The following CYTH4 variants were observed in gnomAD, a reference collection of about 807,000 sequenced individuals.
The protein encoded by CYTH4 is cytohesin-4.
A neutral mutation model predicts 57.5 loss-of-function variants in CYTH4; 22 were observed. The ratio of observed to expected loss-of-function variants is 0.38; its 90% CI spans 0.27 to 0.55. The LOEUF (loss-of-function observed/expected upper bound fraction) is 0.55. CYTH4 is among the 20% of genes least tolerant of loss of function. The pLI is 0.74. For missense variants in CYTH4, 420 were observed against 535.6 expected (o/e 0.78, Z 2.13); for synonymous variants, 186 against 206.5 (o/e 0.90, Z 0.85).
rs1929626233 is a variant in CYTH4 at position 37,311,145 on chromosome 22, ACT to A, written c.885+83_885+84del. 6.9e-7 allele frequency: 1 copy of A among 1,456,912 alleles called. No individual in the cohort carries two copies. The highest frequency in any genetic ancestry group is 1.4e-5 in the African/African-American group (1 of 71,858). The allele number at this position is 1,456,912 out of a possible 1,614,324, so 90.2% of individuals were successfully genotyped here. A position where few individuals can be genotyped will look rare whatever the true frequency, so the allele number is the denominator to read the frequency against. On this transcript the variant is annotated intron_variant, in intron 10 of 12. Transcript: ENST00000248901. This position sits in a 1 kb window ranked among gnomAD's most constrained non-coding sequence, Gnocchi z 4.4. ...CTTCCCAACTCCCACTGAGCAGTCG[ACT>A]CACACAGCTTTGGATCCTTTGAGAT...
At chr22:37,283,884 G>T (rs2284042) in intron 1 of CYTH4, among the ~76,000 whole-genome samples, 17 of 144,878 alleles carry the variant, frequency 1.2e-4, no homozygotes, top group African/African-American at 3.5e-4. Flanking sequence ...TGGGATGAGG[G>T]GGGGAGGGCA....
intron 9 of CYTH4, 21 bp downstream of exon 9, chr22:37,309,344 C>T (rs768817291): frequency 4.4e-6 from 7 of 1,597,768 alleles, no homozygotes; most frequent in East Asian, 4.5e-5. Flanking sequence ...GACAGACACA[C>T]GTCGTCGCAC....
In CYTH4 at chr22:37,311,326, C is replaced by G. The variant is rs986162156; in HGVS notation, c.886-130C>G. On this transcript the variant is annotated intron_variant, in intron 10 of 12. Coordinates refer to ENST00000248901, the MANE Select transcript of CYTH4 (RefSeq NM_013385.5). The surrounding 1 kb of genome is among the most constrained non-coding windows in gnomAD (Gnocchi z 4.4). ...CATGCTGCTTCTAACTTCCGTCCCCCTATGACTGGACAGTCTCGGAAGATG... is the reference window on the plus strand; with the variant it reads ...CATGCTGCTTCTAACTTCCGTCCCCGTATGACTGGACAGTCTCGGAAGATG... The G allele has an allele frequency of 5.8e-6, 5 of 860,404 alleles. No homozygotes were observed. The highest frequency in any genetic ancestry group is 9.4e-6 in the Non-Finnish European group (5 of 532,276). The allele number at this position is 860,404 out of a possible 1,614,324, so 53.3% of individuals were successfully genotyped here. A position where few individuals can be genotyped will look rare whatever the true frequency, so the allele number is the denominator to read the frequency against.
At chr22:37,284,328 T>A (rs1928473633) in intron 1 of CYTH4, among the ~76,000 whole-genome samples, 4 of 152,026 alleles carry the variant, frequency 2.6e-5, no homozygotes, top group Admixed American at 2.6e-4. Flanking sequence ...GGTGTTGGTC[T>A]GGAATGTTGG....
Position 37,284,439 on chromosome 22 carries a change from G to C in CYTH4, c.19+1851G>C, listed in dbSNP as rs55856232. Among the ~76,000 whole-genome samples the C allele has an allele frequency of 6.7e-3, 1,025 of 152,284 alleles. 6 individuals carry two copies. Among genetic ancestry groups the C allele is most frequent in the Non-Finnish European group, 9.4e-3 (640 of 68,018 alleles). ...TGGGAGGAAGCAACTTTTCCCACTGGGGCAGAGGAGATCTGGGAAGACCTC... is the reference window on the plus strand; with the variant it reads ...TGGGAGGAAGCAACTTTTCCCACTGCGGCAGAGGAGATCTGGGAAGACCTC... On this transcript the variant is annotated intron_variant, in intron 1 of 12. Coordinates refer to ENST00000248901, the MANE Select transcript of CYTH4 (RefSeq NM_013385.5).
At position 37,313,579 on chromosome 22, in the gene CYTH4, C is replaced by T. The variant is rs58477283; in HGVS notation, c.*68C>T. ...CCATCGCCTGCAGCACCTGGAGACC[C>T]ACCTCCCACCCCAGTGCACTCTTTT... is the stretch of plus-strand genomic sequence containing the variant. On this transcript the variant is annotated 3_prime_UTR_variant, in exon 13 of 13. Transcript: ENST00000248901. The T allele has an allele frequency of 0.012, 16,017 of 1,391,288 alleles. 570 individuals are homozygous for T. The African/African-American group carries it at 0.12, about 11-fold the overall frequency. 86.2% of individuals were successfully genotyped at this position (1,391,288 alleles called of 1,614,324 possible).
intron 8 of CYTH4, among the ~76,000 whole-genome samples, chr22:37,306,216 G>C (rs1247470646): frequency 6.6e-6 from 1 of 152,164 alleles, no homozygotes; most frequent in Non-Finnish European, 1.5e-5. Context: ...AGAGGCACAG[G>C]AGATAAGGGG....
At chr22:37,288,054 G>A (rs1928615690) in intron 1 of CYTH4, among the ~76,000 whole-genome samples, 1 of 152,092 alleles carries the variant, frequency 6.6e-6, no homozygotes, top group South Asian at 2.1e-4. Context: ...CAAGGCAGGT[G>A]GATCACCTGA....
rs146276237 is a variant in CYTH4, at chr22:37,311,589, G to A, written c.957+62G>A. ...CACTGGGAAATTTCCTAAACAGAAC[G>A]TGGGGAGAGGGCCTGAGGCTGGGCT... On this transcript the variant is annotated intron_variant, in intron 11 of 12. Coordinates refer to ENST00000248901, the MANE Select transcript of CYTH4 (RefSeq NM_013385.5). This position sits in a 1 kb window ranked among gnomAD's most constrained non-coding sequence, Gnocchi z 4.4. The A allele has an allele frequency of 0.019, 28,519 of 1,527,610 alleles. 395 individuals carry two copies. The highest frequency in any genetic ancestry group is 0.02 in the Non-Finnish European group (21,630 of 1,104,620). The allele number at this position is 1,527,610 out of a possible 1,614,324, so 94.6% of individuals were successfully genotyped here.
At chr22:37,299,148 C>A (rs544212554) in intron 5 of CYTH4, 78 bp from the exon 6 acceptor site, 43 of 1,062,964 alleles carry the variant, frequency 4.0e-5, no homozygotes, top group Non-Finnish European at 5.9e-5. Context: ...CTCCCTCCCC[C>A]ACCTCAACCC....
chr22:37,308,558 G>A (rs759215610), intron 8 of CYTH4, among the ~76,000 whole-genome samples: 16 of 151,830 alleles, frequency 1.1e-4, no homozygotes, highest in African/African-American at 2.2e-4. Context: ...GTAAGTGTGC[G>A]TGTGTATACA....
chr22:37,303,411 G>T lies in CYTH4; in HGVS notation c.696+9G>T. 1 of 1,611,510 alleles carries T rather than the reference G, an allele frequency of 6.2e-7. No individual in the cohort carries two copies. ...CCGAGGACCAGCTGCGGGTGAGAGA[G>T]GCGCAGCCCACCCAGCCTGGCCCCG... On this transcript the variant is annotated intron_variant, in intron 8 of 12. Transcript: ENST00000248901.
Position 37,295,991 on chromosome 22 carries a change from G to A in CYTH4, c.168-8G>A. The A allele has an allele frequency of 1.2e-6, 2 of 1,612,010 alleles. No homozygotes were observed. Among genetic ancestry groups the A allele is most frequent in the South Asian group, 1.1e-5 (1 of 90,546 alleles). ...GGGCAGCCCAAGCTGACGTCCTCAT[G>A]TCCACAGCCGGATGGCCCAGAAGGA... On this transcript the variant is annotated splice_region_variant and splice_polypyrimidine_tract_variant and intron_variant, in intron 3 of 12. Coordinates refer to ENST00000248901, the MANE Select transcript of CYTH4 (RefSeq NM_013385.5). The surrounding 1 kb of genome is among the most constrained non-coding windows in gnomAD (Gnocchi z 4.1).
Position 37,311,327 on chromosome 22 carries a change from T to G in CYTH4, c.886-129T>G. The G allele has an allele frequency of 1.2e-6, 1 of 863,036 alleles. No homozygotes were observed. The highest frequency in any genetic ancestry group is 2.6e-5 in the East Asian group (1 of 39,148). 53.5% of individuals were successfully genotyped at this position (863,036 alleles called of 1,614,324 possible). ...ATGCTGCTTCTAACTTCCGTCCCCC[T>G]ATGACTGGACAGTCTCGGAAGATGA... On this transcript the variant is annotated intron_variant, in intron 10 of 12. Transcript: ENST00000248901. This position sits in a 1 kb window ranked among gnomAD's most constrained non-coding sequence, Gnocchi z 4.4.
chr22:37,298,354 G>A lies in CYTH4; in HGVS notation c.353+672G>A, dbSNP rs76447807. The A allele has an allele frequency of 7.0e-3, 1,097 of 156,396 alleles. 10 individuals are homozygous for A. Among genetic ancestry groups the A allele is most frequent in the African/African-American group, 0.026 (1,055 of 41,278 alleles). 9.7% of individuals were successfully genotyped at this position (156,396 alleles called of 1,614,324 possible). A position where few individuals can be genotyped will look rare whatever the true frequency, so the allele number is the denominator to read the frequency against. On this transcript the variant is annotated intron_variant, in intron 5 of 12. Coordinates refer to ENST00000248901, the MANE Select transcript of CYTH4 (RefSeq NM_013385.5). This position sits in a 1 kb window ranked among gnomAD's most constrained non-coding sequence, Gnocchi z 4.1. ...TGCACTCCAGCCTGGGCAACAGATTGAGAACGAGACTCCGTCTCAAAAAAA... is the reference window on the plus strand; with the variant it reads ...TGCACTCCAGCCTGGGCAACAGATTAAGAACGAGACTCCGTCTCAAAAAAA...
intron 4 of CYTH4, 124 bp downstream of exon 4, chr22:37,296,189 G>C: frequency 2.9e-6 from 3 of 1,048,012 alleles, no homozygotes; most frequent in Non-Finnish European, 2.8e-6. Flanking sequence ...GTGCCCAGCA[G>C]AGCTGAGCAT....
Position 37,297,699 on chromosome 22 carries a change from C to G in CYTH4, c.353+17C>G, listed in dbSNP as rs1248834111. 5.6e-6 allele frequency: 9 copies of G among 1,601,114 alleles called. No homozygotes were observed. Among genetic ancestry groups the G allele is most frequent in the African/African-American group, 2.7e-5 (2 of 74,618 alleles). On this transcript the variant is annotated intron_variant, in intron 5 of 12. Transcript: ENST00000248901. Reference sequence around the variant, plus strand: ...GGGGGAGAGGTAAGAACGAGTGGAGCCTTAGCGAGGCAGGAAATGAAGGTG... The same window carrying G: ...GGGGGAGAGGTAAGAACGAGTGGAGGCTTAGCGAGGCAGGAAATGAAGGTG...
chr22:37,314,294 G>T lies in CYTH4; in HGVS notation c.*783G>T. On this transcript the variant is annotated 3_prime_UTR_variant, in exon 13 of 13. Transcript: ENST00000248901. ...GCTGACTCCGGATTCAACGTTGCTG[G>T]GGAGAGAAAAGCAGTATAGACTCCA... The T allele has an allele frequency of 2.5e-6, 1 of 398,726 alleles. No homozygotes were observed. Among genetic ancestry groups the T allele is most frequent in the South Asian group, 1.3e-4 (1 of 7,856 alleles). 24.7% of individuals were successfully genotyped at this position (398,726 alleles called of 1,614,324 possible).
intron 1 of CYTH4, among the ~76,000 whole-genome samples, chr22:37,288,582 T>G (rs2145854805): frequency 1.1e-5 from 1 of 93,724 alleles, no homozygotes; most frequent in East Asian, 3.4e-4. Flanking sequence ...CAAGACTGTC[T>G]CAAAAAAAAA....
Sources: gnomAD v4.1 joint callset for allele counts (sites outside exome capture counted in the v4.1 genomes callset) on GRCh38, gnomAD v4.1.1 for gene constraint, Gnocchi (gnomAD v3.1) non-coding constraint, MANE v1.5 for transcripts, NCBI Gene and HGNC (gene_info 2026-07-23, HGNC 2026-07-21) for gene names.